The following ZMIZ1 variants were observed in gnomAD, a reference collection of about 807,000 sequenced individuals.
The protein encoded by ZMIZ1 is zinc finger MIZ domain-containing protein 1.
Under a neutral mutation model 113.9 loss-of-function variants are expected in ZMIZ1, and 17 were observed. The ratio of observed to expected loss-of-function variants is 0.15; its 90% confidence interval spans 0.10 to 0.22. ZMIZ1 has a LOEUF of 0.22. Among genes scored for constraint, ZMIZ1 ranks in the 10% least tolerant of loss-of-function variants. The pLI is 1.00. For synonymous variants in ZMIZ1, 607 were observed against 603.1 expected (o/e 1.01, Z -0.09); for missense variants, 1,059 against 1,477.8 (o/e 0.72, Z 4.65).
At chr10:79,159,609 TC>T (rs1401248427) in intron 3 of ZMIZ1, among the ~76,000 whole-genome samples, 2 of 152,180 alleles carry the variant, frequency 1.3e-5, no homozygotes, top group Middle Eastern at 3.2e-3. Context: ...CGTGTGGAAA[TC>T]AGGGATGTCA....
At chr10:79,081,424 G>T (rs1842654740) in intron 1 of ZMIZ1, among the ~76,000 whole-genome samples, 1 of 152,184 alleles carries the variant, frequency 6.6e-6, no homozygotes, top group South Asian at 2.1e-4. Flanking sequence ...CAGTAGGCTG[G>T]GGAGGCCACA....
Position 79,208,277 on chromosome 10 carries a change from C to T in ZMIZ1, c.61-59C>T, listed in dbSNP as rs191720856. On this transcript the variant is annotated intron_variant, in intron 5 of 24. Transcript: ENST00000334512. ...GTTCTTCCCACCCCAGACCCCCACA[C>T]GCTGCCTGTGCTACCCTCACTCTTG... The T allele has an allele frequency of 7.3e-4, 1,097 of 1,503,764 alleles. 1 individual carries two copies. In the African/African-American group the frequency reaches 0.013, roughly 17 times the overall value. The allele number at this position is 1,503,764 out of a possible 1,614,324, so 93.2% of individuals were successfully genotyped here. A position where few individuals can be genotyped will look rare whatever the true frequency, so the allele number is the denominator to read the frequency against.
intron 1 of ZMIZ1, among the ~76,000 whole-genome samples, chr10:79,086,926 TC>T (rs751582629): frequency 2.0e-5 from 3 of 152,238 alleles, no homozygotes; most frequent in Non-Finnish European, 4.4e-5. Flanking sequence ...TCTTTTGGAC[TC>T]CATATAGCAA....
chr10:79,310,782 A>G, intron 23 of ZMIZ1, 142 bp from the exon 24 acceptor site: 1 of 978,394 alleles, frequency 1.0e-6, no homozygotes, highest in Non-Finnish European at 1.5e-6. Flanking sequence ...TCTGCCCAGA[A>G]ACAACGTTCA....
rs1268925580 is a variant in ZMIZ1, at chr10:79,118,330, T to C, written c.-336-585T>C. Among the ~76,000 whole-genome samples the C allele has an allele frequency of 6.6e-6, 1 of 152,198 alleles. No homozygotes were observed. The highest frequency in any genetic ancestry group is 1.5e-5 in the Non-Finnish European group (1 of 68,032). ...TCCATCAAGGAATCTCTGTGGTCCT[T>C]GTTAACCAGTTCAGAGGACAGAGAG... On this transcript the variant is annotated intron_variant, in intron 1 of 24. Coordinates refer to ENST00000334512, the MANE Select transcript of ZMIZ1 (RefSeq NM_020338.4). The surrounding 1 kb of genome is among the most constrained non-coding windows in gnomAD (Gnocchi z 4.1).
chr10:79,242,278 C>CCGGGG lies in ZMIZ1; in HGVS notation c.280+26011_280+26015dup, dbSNP rs1849873666. On this transcript the variant is annotated intron_variant, in intron 7 of 24. Coordinates refer to ENST00000334512, the MANE Select transcript of ZMIZ1 (RefSeq NM_020338.4). The stretch of plus-strand genomic sequence containing the variant: ...TGCAATGTCAGGAAGGCAGCAGCTC[C>CCGGGG]CGGGGCGGGGCAGGGCCGCGCGCAG... Among the ~76,000 whole-genome samples, 13 of 152,186 alleles carry CCGGGG rather than the reference C, an allele frequency of 8.5e-5. No homozygotes were observed. The South Asian group carries it at 2.7e-3, about 32-fold the overall frequency.
In ZMIZ1 at chr10:79,174,856, A is replaced by T. The variant is rs1217922330; in HGVS notation, c.-50+12723A>T. 2.0e-5 allele frequency among the ~76,000 whole-genome samples: 3 copies of T among 152,352 alleles called. No homozygotes were observed. The South Asian group carries it at 6.2e-4, about 32-fold the overall frequency. ...CCTTTGGATGGGAGAAACTGAGGACATAAGGGGCTTTGCCCGAAGAAGCCC... is the reference window on the plus strand; with the variant it reads ...CCTTTGGATGGGAGAAACTGAGGACTTAAGGGGCTTTGCCCGAAGAAGCCC... On this transcript the variant is annotated intron_variant, in intron 4 of 24. Transcript: ENST00000334512.
At chr10:79,191,375 G>GT (rs1446282422) in intron 4 of ZMIZ1, among the ~76,000 whole-genome samples, 2 of 151,852 alleles carry the variant, frequency 1.3e-5, no homozygotes, top group Admixed American at 6.6e-5. Flanking sequence ...CTGGTGGTCG[G>GT]GGGGGGTCCT....
intron 8 of ZMIZ1, among the ~76,000 whole-genome samples, chr10:79,278,893 CT>C (rs1852488840): frequency 6.6e-6 from 1 of 152,250 alleles, no homozygotes; most frequent in Admixed American, 6.5e-5. Flanking sequence ...ACATTTCCCC[CT>C]TTTCTATTCG....
chr10:79,151,621 G>C (rs1208137489), intron 3 of ZMIZ1, among the ~76,000 whole-genome samples: 2 of 152,318 alleles, frequency 1.3e-5, no homozygotes, highest in Non-Finnish European at 2.9e-5. Context: ...CTGTCCGCAA[G>C]GCTGGAGAGG....
At chr10:79,205,218 T>C (rs753270) in intron 5 of ZMIZ1, among the ~76,000 whole-genome samples, 92,804 of 152,074 alleles carry the variant, frequency 0.61, 28,602 homozygotes, top group East Asian at 0.75. Flanking sequence ...GTAACAGCCA[T>C]AATTAGGGAG....
At chr10:79,289,928 G>T (rs775294159) in intron 9 of ZMIZ1, 39 bp downstream of exon 9, 1 of 1,590,826 alleles carries the variant, frequency 6.3e-7, no homozygotes, top group Non-Finnish European at 8.6e-7. Context: ...GCTCTTTCTA[G>T]GCGGGAGTGT....
intron 4 of ZMIZ1, among the ~76,000 whole-genome samples, chr10:79,175,811 T>C (rs1470504304): frequency 6.6e-6 from 1 of 151,836 alleles, no homozygotes; most frequent in Non-Finnish European, 1.5e-5. Flanking sequence ...AGCCCCGGCA[T>C]TCCTGGCTGC....
At chr10:79,302,464 C>T (rs1271548175) in intron 18 of ZMIZ1, among the ~76,000 whole-genome samples, 1 of 152,166 alleles carries the variant, frequency 6.6e-6, no homozygotes, top group Non-Finnish European at 1.5e-5. Context: ...GAAGAGCTGG[C>T]AGTCCAGCTT....
intron 7 of ZMIZ1, among the ~76,000 whole-genome samples, chr10:79,273,060 G>C (rs1250545): frequency 0.55 from 82,988 of 152,064 alleles, 23,256 homozygotes; most frequent in East Asian, 0.7. Context: ...TAAGAACCTG[G>C]TGCCTTGGGT....
intron 5 of ZMIZ1, among the ~76,000 whole-genome samples, chr10:79,202,211 A>G (rs866668402): frequency 0.015 from 974 of 63,950 alleles, 4 homozygotes; most frequent in Non-Finnish European, 0.032. Flanking sequence ...AAAAAAAAAA[A>G]AAAGAAAGAA....
intron 1 of ZMIZ1, among the ~76,000 whole-genome samples, chr10:79,076,250 T>C (rs938534515): frequency 1.3e-5 from 2 of 152,172 alleles, no homozygotes; most frequent in African/African-American, 4.8e-5. Context: ...GTCCATTAGC[T>C]CATGAAACAT....
intron 4 of ZMIZ1, among the ~76,000 whole-genome samples, chr10:79,187,307 G>C (rs1296807375): frequency 6.6e-6 from 1 of 152,210 alleles, no homozygotes; most frequent in Non-Finnish European, 1.5e-5. Context: ...CTCTAGCCCG[G>C]CGGACACTGC....
chr10:79,101,323 T>C (rs1843357210), intron 1 of ZMIZ1, among the ~76,000 whole-genome samples: 1 of 151,994 alleles, frequency 6.6e-6, no homozygotes, highest in Non-Finnish European at 1.5e-5. Context: ...AAGTTCCTAG[T>C]CTGGAAGTGA....
Sources: gnomAD v4.1 joint callset for allele counts (sites outside exome capture counted in the v4.1 genomes callset) on GRCh38, gnomAD v4.1.1 for gene constraint, Gnocchi (gnomAD v3.1) non-coding constraint, MANE v1.5 for transcripts, NCBI Gene and HGNC (gene_info 2026-07-23, HGNC 2026-07-21) for gene names.